BMAL1: variants seen among roughly 807,000 people sequenced by gnomAD.
BMAL1 encodes the protein basic helix-loop-helix ARNT like 1, also known as basic helix-loop-helix ARNT-like protein 1.
At chr11:13,332,287 A>T in the BMAL1 span, among the ~76,000 whole-genome samples, 7 of 152,224 alleles carry the variant, frequency 4.6e-5, no homozygotes, top group East Asian at 1.9e-4. Context: ...GTTCTCAAAC[A>T]TGGTGCCAGG....
chr11:13,373,311 G>T, the BMAL1 span, among the ~76,000 whole-genome samples: 1 of 152,130 alleles, frequency 6.6e-6, no homozygotes, highest in East Asian at 1.9e-4. Context: ...CTTTCCCTCA[G>T]AATATGCACA....
At chr11:13,284,252 AT>A in the BMAL1 span, among the ~76,000 whole-genome samples, 1 of 30,510 alleles carries the variant, frequency 3.3e-5, no homozygotes, top group African/African-American at 1.2e-4. Context: ...ATATATATAT[AT>A]ATATATATAT....
the BMAL1 span, among the ~76,000 whole-genome samples, chr11:13,277,273 A>C: frequency 7.9e-5 from 12 of 152,024 alleles, no homozygotes; most frequent in Non-Finnish European, 5.9e-5. Flanking sequence ...GGAGGGGAGA[A>C]GAAGAAGGAG....
At chr11:13,283,666 T>C in the BMAL1 span, among the ~76,000 whole-genome samples, 2 of 152,228 alleles carry the variant, frequency 1.3e-5, no homozygotes, top group African/African-American at 4.8e-5. Context: ...TGACAGCAAT[T>C]GGGAACCAGT....
the BMAL1 span, among the ~76,000 whole-genome samples, chr11:13,383,849 CAAG>C: frequency 6.6e-6 from 1 of 151,904 alleles, no homozygotes; most frequent in Non-Finnish European, 1.5e-5. Flanking sequence ...GAGACCCTAT[CAAG>C]GAGGGAAGGA....
chr11:13,318,920 AC>A, the BMAL1 span, among the ~76,000 whole-genome samples: 8 of 152,242 alleles, frequency 5.3e-5, no homozygotes, highest in Non-Finnish European at 1.0e-4. Flanking sequence ...AACATAAGCA[AC>A]AAAATCTTCT....
chr11:13,346,242 A>G, the BMAL1 span, among the ~76,000 whole-genome samples: 1 of 152,200 alleles, frequency 6.6e-6, no homozygotes, highest in East Asian at 1.9e-4. Context: ...GGCCAGTCAC[A>G]TGGCCAGGCC....
chr11:13,372,326 A>G, the BMAL1 span: 5 of 1,614,222 alleles, frequency 3.1e-6, no homozygotes, highest in Non-Finnish European at 4.2e-6. Flanking sequence ...TTCCACAACC[A>G]GTGAACGGGG....
At chr11:13,309,536 A>G in the BMAL1 span, among the ~76,000 whole-genome samples, 1 of 152,188 alleles carries the variant, frequency 6.6e-6, no homozygotes, top group Middle Eastern at 3.2e-3. Context: ...ATTCTGGCCT[A>G]GCAGAATTTT....
the BMAL1 span, among the ~76,000 whole-genome samples, chr11:13,384,312 T>C: frequency 3.3e-5 from 5 of 152,374 alleles, no homozygotes; most frequent in Admixed American, 1.3e-4. Flanking sequence ...AGTGATATTT[T>C]GATGCTCTAT....
chr11:13,323,491 GAGGTCCCCATCAT>G, the BMAL1 span, among the ~76,000 whole-genome samples: 3 of 72,436 alleles, frequency 4.1e-5, no homozygotes, highest in African/African-American at 1.8e-4. Flanking sequence ...CCCATGTTAT[GAGGTCCCCATCAT>G]TTTTACCTGG....
the BMAL1 span, among the ~76,000 whole-genome samples, chr11:13,381,582 C>G: frequency 1.6e-4 from 24 of 152,296 alleles, 2 homozygotes; most frequent in East Asian, 2.3e-3. Context: ...AGAAAAGTTT[C>G]TCATTTTCTG....
At chr11:13,282,560 C>T in the BMAL1 span, among the ~76,000 whole-genome samples, 1 of 152,160 alleles carries the variant, frequency 6.6e-6, no homozygotes, top group Non-Finnish European at 1.5e-5. Context: ...AGCCCTTGGC[C>T]CAGTCCATCC....
the BMAL1 span, among the ~76,000 whole-genome samples, chr11:13,327,701 G>A: frequency 6.6e-6 from 1 of 152,180 alleles, no homozygotes; most frequent in African/African-American, 2.4e-5. Flanking sequence ...AGGGCTTCCT[G>A]TATAGTTGTT....
the BMAL1 span, among the ~76,000 whole-genome samples, chr11:13,367,154 A>C: frequency 1.3e-5 from 2 of 152,066 alleles, no homozygotes; most frequent in Non-Finnish European, 2.9e-5. Context: ...ATTTACCTGA[A>C]TTGCACACAG....
At chr11:13,284,763 C>T in the BMAL1 span, among the ~76,000 whole-genome samples, 2 of 152,152 alleles carry the variant, frequency 1.3e-5, no homozygotes, top group Non-Finnish European at 2.9e-5. Context: ...TGCTCAACTC[C>T]TTTCAATCTT....
the BMAL1 span, among the ~76,000 whole-genome samples, chr11:13,361,289 A>G: frequency 6.6e-6 from 1 of 152,194 alleles, no homozygotes; most frequent in African/African-American, 2.4e-5. Flanking sequence ...ACAAAGCTCT[A>G]AGTTGTGTTA....
chr11:13,290,813 C>G, the BMAL1 span, among the ~76,000 whole-genome samples: 1 of 152,144 alleles, frequency 6.6e-6, no homozygotes, highest in African/African-American at 2.4e-5. Context: ...CAGTGCCCAG[C>G]TGCATAACTG....
chr11:13,318,476 G>T, the BMAL1 span, among the ~76,000 whole-genome samples: 15 of 148,168 alleles, frequency 1.0e-4, no homozygotes, highest in African/African-American at 3.7e-4. Flanking sequence ...AAGGGGGGTT[G>T]CAATCAAGTG....
Sources: gnomAD v4.1 joint callset for allele counts (sites outside exome capture counted in the v4.1 genomes callset) on GRCh38, gnomAD v4.1.1 for gene constraint, MANE v1.5 for transcripts, NCBI Gene and HGNC (gene_info 2026-07-23, HGNC 2026-07-21) for gene names.